SGCZ: variants seen among roughly 807,000 people sequenced by gnomAD.
SGCZ encodes zeta-sarcoglycan.
In SGCZ, 40 loss-of-function variants were observed where a neutral mutation model predicts 41.3. The ratio of observed to expected loss-of-function variants is 0.97; its 90% CI spans 0.75 to 1.26. The LOEUF (loss-of-function observed/expected upper bound fraction) is 1.26, where lower values mean the gene tolerates loss of function less well. Ranked by LOEUF, SGCZ falls within the 50% of genes most tolerant of loss-of-function variation. The pLI, the probability that SGCZ is intolerant of heterozygous loss-of-function variation, is 0.00. For synonymous variants in SGCZ, 206 were observed against 137.5 expected, an observed-to-expected ratio of 1.50 and a Z score of -3.49; for missense variants, 552 against 369.8, an observed-to-expected ratio of 1.49 and a Z score of -4.04.
chr8:14,537,784 T>C (rs1051667201), intron 2 of SGCZ, among the ~76,000 whole-genome samples: 1 of 151,926 alleles, frequency 6.6e-6, no homozygotes, highest in East Asian at 1.9e-4. Context: ...TAAAATGTGT[T>C]TGTGAACGCT....
intron 1 of SGCZ, among the ~76,000 whole-genome samples, chr8:14,930,601 G>A (rs1436394893): frequency 6.6e-6 from 1 of 151,960 alleles, no homozygotes; most frequent in Non-Finnish European, 1.5e-5. Flanking sequence ...GCCCACCAAT[G>A]ATAGACCGGA....
At chr8:14,292,718 G>A (rs1026286156) in intron 3 of SGCZ, among the ~76,000 whole-genome samples, 3 of 151,890 alleles carry the variant, frequency 2.0e-5, no homozygotes, top group African/African-American at 7.2e-5. Context: ...CATTAGACAG[G>A]TTCTTTTATA....
intron 2 of SGCZ, among the ~76,000 whole-genome samples, chr8:14,353,963 C>G (rs916008267): frequency 2.0e-5 from 3 of 152,020 alleles, no homozygotes; most frequent in Non-Finnish European, 4.4e-5. Context: ...TAGCTTATTC[C>G]TGAATCTAGT....
chr8:14,877,863 T>C (rs1004489835), intron 1 of SGCZ, among the ~76,000 whole-genome samples: 5 of 152,182 alleles, frequency 3.3e-5, no homozygotes, highest in Admixed American at 3.3e-4. Flanking sequence ...TGGATTTTCA[T>C]GTTCCTTTCT....
At chr8:15,040,497 A>T (rs1025696864) in intron 1 of SGCZ, among the ~76,000 whole-genome samples, 1 of 152,156 alleles carries the variant, frequency 6.6e-6, no homozygotes, top group African/African-American at 2.4e-5. Flanking sequence ...GGCATCTGTA[A>T]TCCCAGCTAC....
chr8:14,932,357 C>A (rs1227642307), intron 1 of SGCZ, among the ~76,000 whole-genome samples: 1 of 151,960 alleles, frequency 6.6e-6, no homozygotes, highest in African/African-American at 2.4e-5. Flanking sequence ...CATTTCAGGC[C>A]ATTTTCCATT....
intron 5 of SGCZ, among the ~76,000 whole-genome samples, chr8:14,126,129 A>T (rs190256512): frequency 2.4e-3 from 371 of 152,294 alleles, no homozygotes; most frequent in African/African-American, 8.1e-3. Context: ...ATTGACAAAT[A>T]GGATCTAATT....
chr8:14,175,187 T>C (rs776500710), intron 4 of SGCZ, among the ~76,000 whole-genome samples: 4 of 152,138 alleles, frequency 2.6e-5, no homozygotes, highest in Non-Finnish European at 5.9e-5. Context: ...ATTTTATGTC[T>C]AGCAAAATTA....
At chr8:15,027,469 T>C (rs1364407617) in intron 1 of SGCZ, among the ~76,000 whole-genome samples, 3 of 152,110 alleles carry the variant, frequency 2.0e-5, no homozygotes, top group African/African-American at 4.8e-5. Flanking sequence ...CCACTTTCCA[T>C]AACACAGGTT....
At chr8:14,961,187 C>G (rs1355061524) in intron 1 of SGCZ, among the ~76,000 whole-genome samples, 1 of 152,082 alleles carries the variant, frequency 6.6e-6, no homozygotes, top group Non-Finnish European at 1.5e-5. Context: ...AATCTGCTGA[C>G]CTTCCCAGCT....
intron 2 of SGCZ, among the ~76,000 whole-genome samples, chr8:14,421,631 T>C (rs1201127314): frequency 6.6e-6 from 1 of 152,122 alleles, no homozygotes; most frequent in Non-Finnish European, 1.5e-5. Flanking sequence ...ACCACAGATG[T>C]GGTTTACTCT....
intron 1 of SGCZ, among the ~76,000 whole-genome samples, chr8:14,701,552 A>T (rs576317675): frequency 6.6e-6 from 1 of 152,102 alleles, no homozygotes; most frequent in East Asian, 1.9e-4. Flanking sequence ...CATAAATTCC[A>T]CAGGCCGTCC....
intron 2 of SGCZ, among the ~76,000 whole-genome samples, chr8:14,530,110 C>G (rs780097457): frequency 6.6e-6 from 1 of 151,940 alleles, no homozygotes; most frequent in African/African-American, 2.4e-5. Context: ...TTCCAGTATA[C>G]AAAACCATGC....
At chr8:14,268,362 T>C (rs1799948570) in intron 3 of SGCZ, among the ~76,000 whole-genome samples, 1 of 150,770 alleles carries the variant, frequency 6.6e-6, no homozygotes, top group African/African-American at 2.4e-5. Flanking sequence ...TATGTGTATA[T>C]ATATATATTC....
intron 1 of SGCZ, among the ~76,000 whole-genome samples, chr8:14,634,010 A>C (rs774896743): frequency 2.6e-5 from 4 of 151,912 alleles, no homozygotes; most frequent in Non-Finnish European, 5.9e-5. Context: ...AATGATTCTA[A>C]TACATTTTCC....
At chr8:14,963,140 G>T (rs1018657917) in intron 1 of SGCZ, among the ~76,000 whole-genome samples, 2 of 152,000 alleles carry the variant, frequency 1.3e-5, no homozygotes, top group Non-Finnish European at 2.9e-5. Flanking sequence ...TGAGTATCAC[G>T]GTTAATACTC....
chr8:14,201,970 C>A (rs1035916445), intron 4 of SGCZ, among the ~76,000 whole-genome samples: 1 of 152,018 alleles, frequency 6.6e-6, no homozygotes. Context: ...TTTAATGAAC[C>A]AAACCATAAT....
At chr8:15,152,545 G>A (rs1000789517) in intron 1 of SGCZ, among the ~76,000 whole-genome samples, 1 of 152,186 alleles carries the variant, frequency 6.6e-6, no homozygotes, top group Non-Finnish European at 1.5e-5. Flanking sequence ...GCAACTTATT[G>A]TGAAACACGA....
chr8:14,511,987 C>G (rs1348056045), intron 2 of SGCZ, among the ~76,000 whole-genome samples: 4 of 149,180 alleles, frequency 2.7e-5, no homozygotes, highest in African/African-American at 7.8e-5. Context: ...GGAGGATAAA[C>G]AAAGCTATAA....
Sources: gnomAD v4.1 joint callset for allele counts (sites outside exome capture counted in the v4.1 genomes callset) on GRCh38, gnomAD v4.1.1 for gene constraint, MANE v1.5 for transcripts, NCBI Gene and HGNC (gene_info 2026-07-23, HGNC 2026-07-21) for gene names.